The following KCNH2 variants were observed in gnomAD, a reference collection of about 807,000 sequenced individuals.
The protein encoded by KCNH2 is potassium voltage-gated channel subfamily H member 2.
A neutral mutation model predicts 95.9 loss-of-function variants in KCNH2; 35 were observed. The ratio of observed to expected loss-of-function variants is 0.37; its 90% CI spans 0.28 to 0.48. The LOEUF (loss-of-function observed/expected upper bound fraction) is 0.48. KCNH2 is among the 20% of genes least tolerant of loss of function. The probability of loss-of-function intolerance (pLI) is 0.99; values close to 1 mark genes in which losing one functional copy is unlikely to be tolerated. For missense variants in KCNH2, 1,274 were observed against 1,702.9 expected (o/e 0.75, Z 4.43); for synonymous variants, 786 against 754.7 (o/e 1.04, Z -0.68).
In KCNH2 at chr7:150,957,439, T is replaced by C. The variant is rs886039013; in HGVS notation, c.980A>G (p.Tyr327Cys). The change falls in exon 5 of 15, where the codon TAC becomes TGC. Residue 327 changes from tyrosine to cysteine, a missense_variant. By Grantham distance (194) the Tyr-to-Cys change is radical. Around this residue, in one of 7 missense-constraint regions of KCNH2, gnomAD observed 392 missense variants for 429.9 expected, o/e 0.91. Transcript: ENST00000262186. ...TTGGGGAATCTTGCTAATGGTGCGG[T>C]AGCGCACGAGGTCGGAGTCCGAGGT... The part of the protein sequence containing the change: ...NSTSDSDLVR[Y>C]RTISKIPQIT... 1 of 1,614,180 alleles carries C rather than the reference T, an allele frequency of 6.2e-7. No individual in the cohort carries two copies. The highest frequency in any genetic ancestry group is 8.5e-7 in the Non-Finnish European group (1 of 1,180,014).
intron 2 of KCNH2, among the ~76,000 whole-genome samples, chr7:150,963,861 C>A (rs899746604): frequency 2.6e-5 from 4 of 152,206 alleles, no homozygotes; most frequent in East Asian, 1.9e-4. Flanking sequence ...GAGAGCCAGG[C>A]CTGGACACAT....
rs1347039291 is a variant in KCNH2, at chr7:150,946,906, G to C, written c.3301C>G (p.Pro1101Ala). 6.3e-7 allele frequency: 1 copy of C among 1,599,144 alleles called. No homozygotes were observed. The highest frequency in any genetic ancestry group is 8.5e-7 in the Non-Finnish European group (1 of 1,170,062). Reference sequence around the variant, plus strand: ...GAAAGCGAGTCCAAGGTGAGGGTGGGGAGGGGGCTGACGGGCAACAGCGGG... The same window carrying C: ...GAAAGCGAGTCCAAGGTGAGGGTGGCGAGGGGGCTGACGGGCAACAGCGGG... ...TSPLLPVSPL[P>A]TLTLDSLSQV... Residue 1101 changes from proline (P) to alanine (A), a missense_variant, in exon 14 of 15, where the codon CCC becomes GCC. Pro to Ala is a conservative substitution (Grantham distance 27). Around this residue, in one of 7 missense-constraint regions of KCNH2, gnomAD observed 457 missense variants for 416.1 expected, o/e 1.10. Coordinates refer to ENST00000262186, the MANE Select transcript of KCNH2 (RefSeq NM_000238.4). The surrounding 1 kb of genome is among the most constrained non-coding windows in gnomAD (Gnocchi z 6.5).
intron 2 of KCNH2, 100 bp downstream of exon 2, chr7:150,974,611 G>GCCCCCCCCCCCCCCCCCCCCC: frequency 1.3e-6 from 1 of 795,738 alleles, no homozygotes. Context: ...TTCTCCAGCC[G>GCCCCCCCCCCCCCCCCCCCCC]CCCCCACACC....
chr7:150,969,933 GAGCACCCCACATTCATCACCTGTCCC>G (rs1240425564), intron 2 of KCNH2, among the ~76,000 whole-genome samples: 1 of 152,080 alleles, frequency 6.6e-6, no homozygotes, highest in Non-Finnish European at 1.5e-5. Context: ...GACTTTAGGG[GAGCACCCCACATTCATCACCTGTCCC>G]AGCACCCCTC....
intron 8 of KCNH2, 31 bp downstream of exon 8, chr7:150,950,890 C>T (rs755482792): frequency 2.5e-6 from 4 of 1,608,594 alleles, no homozygotes; most frequent in Non-Finnish European, 3.4e-6. Context: ...TCCCAGCCTG[C>T]CACCCACTGG....
At chr7:150,948,578 G>A in intron 10 of KCNH2, 35 bp from the exon 11 acceptor site, 1 of 1,566,902 alleles carries the variant, frequency 6.4e-7, no homozygotes, top group Non-Finnish European at 8.8e-7. Context: ...CCCTTTCAGT[G>A]CTCTCCTGCC....
intron 5 of KCNH2, among the ~76,000 whole-genome samples, chr7:150,954,468 C>T (rs1352250230): frequency 1.3e-5 from 2 of 152,170 alleles, no homozygotes; most frequent in Non-Finnish European, 2.9e-5. Flanking sequence ...TACAAACTCA[C>T]ACGTGCATGG....
At chr7:150,949,108 G>A (rs1219434847) in intron 9 of KCNH2, 59 bp from the exon 10 acceptor site, 6 of 1,494,208 alleles carry the variant, frequency 4.0e-6, no homozygotes, top group Non-Finnish European at 4.6e-6. Context: ...CAGGCAGCAG[G>A]CACCTTCTCC....
chr7:150,953,634 G>A (rs1015439587), intron 5 of KCNH2, among the ~76,000 whole-genome samples: 1 of 152,202 alleles, frequency 6.6e-6, no homozygotes, highest in Non-Finnish European at 1.5e-5. Context: ...ACAGAGGCAG[G>A]CTGGCCATCC....
rs951172456 is a variant in KCNH2, at chr7:150,946,474, G to A, written c.3330+403C>T. 6.6e-6 allele frequency among the ~76,000 whole-genome samples: 1 copy of A among 152,196 alleles called. No individual in the cohort carries two copies. The highest frequency in any genetic ancestry group is 1.5e-5 in the Non-Finnish European group (1 of 68,026). ...CGGGACCCTGTCCCTAGATACTCTG[G>A]TATGCAGCCTCCACCGCCACGTCTC... On this transcript the variant is annotated intron_variant, in intron 14 of 14. Transcript: ENST00000262186. This position sits in a 1 kb window ranked among gnomAD's most constrained non-coding sequence, Gnocchi z 6.5.
intron 7 of KCNH2, 160 bp downstream of exon 7, chr7:150,951,288 C>A: frequency 9.2e-7 from 1 of 1,090,352 alleles, no homozygotes; most frequent in East Asian, 2.4e-5. Flanking sequence ...TCAGTAGTCC[C>A]CGCCCTGGTG....
At chr7:150,964,584 G>T (rs1015795979) in intron 2 of KCNH2, among the ~76,000 whole-genome samples, 1 of 152,254 alleles carries the variant, frequency 6.6e-6, no homozygotes, top group Non-Finnish European at 1.5e-5. Context: ...CTGGGTGCCA[G>T]ATGAGATGAC....
In KCNH2 at chr7:150,948,436, C is replaced by G. The variant is rs200032281; in HGVS notation, c.2692+8G>C. ...CGCCCTCCCCCTTCCTCCCCTCCCC[C>G]GCCTCACCCTTGTCCGTGCGCCTGC... On this transcript the variant is annotated splice_region_variant and intron_variant, in intron 11 of 14. Transcript: ENST00000262186. 8 of 1,583,274 alleles carry G rather than the reference C, an allele frequency of 5.1e-6. No individual in the cohort carries two copies. The highest frequency in any genetic ancestry group is 2.2e-5 in the East Asian group (1 of 44,750).
chr7:150,958,267 A>C lies in KCNH2; in HGVS notation c.708T>G (p.Gly236=). 6.9e-7 allele frequency: 1 copy of C among 1,447,074 alleles called. No individual in the cohort carries two copies. The allele number at this position is 1,447,074 out of a possible 1,614,324, so 89.6% of individuals were successfully genotyped here. A position where few individuals can be genotyped will look rare whatever the true frequency, so the allele number is the denominator to read the frequency against. The change falls in exon 4 of 15, where the codon GGT becomes GGG. Residue 236 remains glycine, a synonymous_variant. Coordinates refer to ENST00000262186, the MANE Select transcript of KCNH2 (RefSeq NM_000238.4). ...GPAEERRALV[G]PGSPPRSAPG... is the part of the protein sequence containing the mutation. ...GCGCGCTGCGGGGCGGAGAGCCGGG[A>C]CCCACCAGCGCACGCCGCTCCTCCG... is the stretch of plus-strand genomic sequence containing the variant.
chr7:150,962,793 C>T lies in KCNH2; in HGVS notation c.308-3057G>A, dbSNP rs904260588. Among the ~76,000 whole-genome samples, 15 of 152,020 alleles carry T rather than the reference C, an allele frequency of 9.9e-5. No homozygotes were observed. The highest frequency in any genetic ancestry group is 1.7e-4 in the African/African-American group (7 of 41,368). ...AGGGGCTGGGGCGGGGGAGATCTAG[C>T]GATCATCAAGGGGATGTGGAAGGAA... On this transcript the variant is annotated intron_variant, in intron 2 of 14. Coordinates refer to ENST00000262186, the MANE Select transcript of KCNH2 (RefSeq NM_000238.4). This position sits in a 1 kb window ranked among gnomAD's most constrained non-coding sequence, Gnocchi z 5.7.
At chr7:150,964,537 C>T (rs531524768) in intron 2 of KCNH2, among the ~76,000 whole-genome samples, 80 of 152,364 alleles carry the variant, frequency 5.3e-4, no homozygotes, top group African/African-American at 1.8e-3. Context: ...GGGCTTCAGG[C>T]TCCCTGCGGG....
At chr7:150,955,677 G>A (rs1192671320) in intron 5 of KCNH2, 3 of 1,395,276 alleles carry the variant, frequency 2.2e-6, no homozygotes, top group Admixed American at 3.0e-5. Flanking sequence ...CCCCAGGGCT[G>A]GGGTCACCCT....
At chr7:150,964,214 T>G (rs553380538) in intron 2 of KCNH2, among the ~76,000 whole-genome samples, 9 of 152,300 alleles carry the variant, frequency 5.9e-5, no homozygotes, top group Admixed American at 3.3e-4. Flanking sequence ...AGAGTCTCCG[T>G]GCGCTCCTCC....
intron 2 of KCNH2, among the ~76,000 whole-genome samples, chr7:150,971,418 A>C (rs1239431063): frequency 6.6e-6 from 1 of 152,088 alleles, no homozygotes. Context: ...CCCTGTTACC[A>C]TGGCAACTGG....
Sources: gnomAD v4.1 joint callset for allele counts (sites outside exome capture counted in the v4.1 genomes callset) on GRCh38, gnomAD v4.1.1 for gene constraint, gnomAD v4.1.1 regional missense constraint, Gnocchi (gnomAD v3.1) non-coding constraint, MANE v1.5 for transcripts, NCBI Gene and HGNC (gene_info 2026-07-23, HGNC 2026-07-21) for gene names.